The following AGAP1 variants were observed in gnomAD, a reference collection of about 807,000 sequenced individuals.
The protein encoded by AGAP1 is ArfGAP with GTPase domain, ankyrin repeat and PH domain 1.
A neutral mutation model predicts 105.3 loss-of-function variants in AGAP1; 29 were observed. The observed-to-expected ratio is 0.28, with a 90% CI of 0.21 to 0.38. AGAP1 has a LOEUF of 0.38. AGAP1 is among the 10% of genes least tolerant of loss of function. AGAP1 has a pLI of 1.00. For missense variants in AGAP1, 998 were observed against 1,165.1 expected, an observed-to-expected ratio of 0.86 and a Z score of 2.09; for synonymous variants, 509 against 485.9, an observed-to-expected ratio of 1.05 and a Z score of -0.63.
rs542570137 is a variant in AGAP1 at position 235,973,420 on chromosome 2, C to G, written c.1645+4797C>G. 1.4e-4 allele frequency among the ~76,000 whole-genome samples: 22 copies of G among 152,254 alleles called. No homozygotes were observed. The highest frequency in any genetic ancestry group is 5.3e-4 in the African/African-American group (22 of 41,548). On this transcript the variant is annotated intron_variant, in intron 13 of 17. Transcript: ENST00000304032. This position sits in a 1 kb window ranked among gnomAD's most constrained non-coding sequence, Gnocchi z 4.7. ...CAGGAGATGTGTGGATGACAGAGCC[C>G]GTCGCTAGGCTCTTATGTCACAGAT...
At chr2:235,759,385 G>A (rs1474483235) in intron 6 of AGAP1, among the ~76,000 whole-genome samples, 14 of 150,584 alleles carry the variant, frequency 9.3e-5, no homozygotes, top group East Asian at 2.0e-4. Flanking sequence ...TAGCCAGGAT[G>A]GTCTTGATCT....
At chr2:235,643,491 T>C (rs1199951867) in intron 1 of AGAP1, among the ~76,000 whole-genome samples, 1 of 149,362 alleles carries the variant, frequency 6.7e-6, no homozygotes, top group East Asian at 2.0e-4. Flanking sequence ...TTAAAAATTT[T>C]CCACACATTA....
In AGAP1 at chr2:236,012,218, G is replaced by C. The variant is rs752609296; in HGVS notation, c.1646-24343G>C. 2.0e-5 allele frequency among the ~76,000 whole-genome samples: 3 copies of C among 152,112 alleles called. No homozygotes were observed. The highest frequency in any genetic ancestry group is 2.9e-5 in the Non-Finnish European group (2 of 68,026). The stretch of plus-strand genomic sequence containing the variant: ...TACATCCTGTGGTAATGGGAGAGCA[G>C]AGTGTGAAAAATGGAAGGCATAAAG... On this transcript the variant is annotated intron_variant, in intron 13 of 17. Coordinates refer to ENST00000304032, the MANE Select transcript of AGAP1 (RefSeq NM_001037131.3). The surrounding 1 kb of genome is among the most constrained non-coding windows in gnomAD (Gnocchi z 4.9).
chr2:235,773,989 T>A (rs1575418161), intron 6 of AGAP1: 1 of 470,606 alleles, frequency 2.1e-6, no homozygotes, highest in Non-Finnish European at 4.4e-6. Context: ...CCCTCTAAGA[T>A]TTTTAACAAA....
chr2:235,819,990 G>A (rs1474022953), intron 9 of AGAP1, among the ~76,000 whole-genome samples: 3 of 141,142 alleles, frequency 2.1e-5, no homozygotes, highest in Non-Finnish European at 3.0e-5. Flanking sequence ...CGCAACCTCC[G>A]CCTCCCAGGT....
At chr2:235,894,201 G>A (rs556345197) in intron 10 of AGAP1, among the ~76,000 whole-genome samples, 4 of 152,308 alleles carry the variant, frequency 2.6e-5, no homozygotes, top group African/African-American at 7.2e-5. Context: ...AATATGAACC[G>A]CAACGGGTAT....
At chr2:235,589,863 G>T (rs771840568) in intron 1 of AGAP1, among the ~76,000 whole-genome samples, 15 of 151,922 alleles carry the variant, frequency 9.9e-5, no homozygotes, top group Non-Finnish European at 1.6e-4. Context: ...GAAAGGGTTT[G>T]GGAATGAGTA....
At position 236,090,179 on chromosome 2, in the gene AGAP1, A is replaced by G. The variant is rs2125866583; in HGVS notation, c.2115-30013A>G. 6.6e-6 allele frequency among the ~76,000 whole-genome samples: 1 copy of G among 152,272 alleles called. No individual in the cohort carries two copies. The highest frequency in any genetic ancestry group is 3.4e-3 in the Middle Eastern group (1 of 294). ...TGTCACCATTGTGGGCTCCAGCTGCACAGGCTGGGGATGGGCTGGGTAGAA... is the reference window on the plus strand; with the variant it reads ...TGTCACCATTGTGGGCTCCAGCTGCGCAGGCTGGGGATGGGCTGGGTAGAA... On this transcript the variant is annotated intron_variant, in intron 16 of 17. Transcript: ENST00000304032. This position sits in a 1 kb window ranked among gnomAD's most constrained non-coding sequence, Gnocchi z 4.3.
intron 1 of AGAP1, among the ~76,000 whole-genome samples, chr2:235,539,515 A>G (rs904013070): frequency 6.6e-6 from 1 of 151,940 alleles, no homozygotes; most frequent in Non-Finnish European, 1.5e-5. Context: ...TTGTGCGATT[A>G]TTTTTTGGGT....
intron 13 of AGAP1, among the ~76,000 whole-genome samples, chr2:236,008,989 G>A (rs1208212643): frequency 2.6e-5 from 4 of 152,156 alleles, no homozygotes; most frequent in Non-Finnish European, 4.4e-5. Context: ...TACTGAACAC[G>A]TGTCCTATAT....
In AGAP1 at chr2:236,090,489, CTG is replaced by C. The variant is rs745387717; in HGVS notation, c.2115-29700_2115-29699del. Among the ~76,000 whole-genome samples the C allele has an allele frequency of 6.6e-5, 10 of 152,074 alleles. No homozygotes were observed. The highest frequency in any genetic ancestry group is 1.5e-4 in the Non-Finnish European group (10 of 68,032). The stretch of plus-strand genomic sequence containing the variant: ...AATTTCCAAATGTGCCCCAAAGAGA[CTG>C]TGAAGGGAGGGAACAGAGGCATGGA... On this transcript the variant is annotated intron_variant, in intron 16 of 17. Transcript: ENST00000304032. This position sits in a 1 kb window ranked among gnomAD's most constrained non-coding sequence, Gnocchi z 4.3.
rs1173811868 is a variant in AGAP1, at chr2:236,001,288, C to T, written c.1645+32665C>T. Among the ~76,000 whole-genome samples the T allele has an allele frequency of 6.6e-6, 1 of 152,190 alleles. No individual in the cohort carries two copies. Among genetic ancestry groups the T allele is most frequent in the East Asian group, 1.9e-4 (1 of 5,190 alleles). On this transcript the variant is annotated intron_variant, in intron 13 of 17. Coordinates refer to ENST00000304032, the MANE Select transcript of AGAP1 (RefSeq NM_001037131.3). The surrounding 1 kb of genome is among the most constrained non-coding windows in gnomAD (Gnocchi z 4.7). ...GCATGGCCTTCAGGCCTCCGAGGAACCCAGAGGAGGAAACGCATTTTTGTG... is the reference window on the plus strand; with the variant it reads ...GCATGGCCTTCAGGCCTCCGAGGAATCCAGAGGAGGAAACGCATTTTTGTG...
rs991579940 is a variant in AGAP1, at chr2:236,045,669, C to A, written c.1892-3390C>A. Among the ~76,000 whole-genome samples, 1 of 152,248 alleles carries A rather than the reference C, an allele frequency of 6.6e-6. No individual in the cohort carries two copies. Among genetic ancestry groups the A allele is most frequent in the Non-Finnish European group, 1.5e-5 (1 of 68,048 alleles). On this transcript the variant is annotated intron_variant, in intron 15 of 17. Coordinates refer to ENST00000304032, the MANE Select transcript of AGAP1 (RefSeq NM_001037131.3). This position sits in a 1 kb window ranked among gnomAD's most constrained non-coding sequence, Gnocchi z 6.9. ...AGGAGACAGTGCAGAGGTCTGAGTC[C>A]GTGCCAGGAGGCTGGGATCAGCCAC...
chr2:235,790,127 C>T (rs1956886119), intron 6 of AGAP1, among the ~76,000 whole-genome samples: 1 of 152,094 alleles, frequency 6.6e-6, no homozygotes, highest in Non-Finnish European at 1.5e-5. Flanking sequence ...TGATGAAAGC[C>T]TCTTCTAGAA....
intron 11 of AGAP1, among the ~76,000 whole-genome samples, chr2:235,912,952 C>A (rs1474309314): frequency 6.6e-6 from 1 of 152,102 alleles, no homozygotes; most frequent in African/African-American, 2.4e-5. Context: ...TTAGGTGTAT[C>A]CTTTGCCCAT....
At chr2:236,016,278 TA>T (rs1392072260) in intron 13 of AGAP1, among the ~76,000 whole-genome samples, 3 of 152,168 alleles carry the variant, frequency 2.0e-5, no homozygotes, top group African/African-American at 7.2e-5. Flanking sequence ...TGTTGCATTT[TA>T]AAGGGTATTA....
Position 235,842,164 on chromosome 2 carries a change from C to G in AGAP1, c.1050+34833C>G, listed in dbSNP as rs1462776573. On this transcript the variant is annotated intron_variant, in intron 9 of 17. Coordinates refer to ENST00000304032, the MANE Select transcript of AGAP1 (RefSeq NM_001037131.3). The surrounding 1 kb of genome is among the most constrained non-coding windows in gnomAD (Gnocchi z 5.3). ...TTCCTCCGCTCCTGGTTTCTTAGTTCTGGAGCACAGACTCCGTGCTCTGGA... is the reference window on the plus strand; with the variant it reads ...TTCCTCCGCTCCTGGTTTCTTAGTTGTGGAGCACAGACTCCGTGCTCTGGA... 6.6e-6 allele frequency among the ~76,000 whole-genome samples: 1 copy of G among 152,224 alleles called. No individual in the cohort carries two copies. Among genetic ancestry groups the G allele is most frequent in the Non-Finnish European group, 1.5e-5 (1 of 68,040 alleles).
At chr2:235,617,158 T>C (rs1333671311) in intron 1 of AGAP1, among the ~76,000 whole-genome samples, 1 of 152,116 alleles carries the variant, frequency 6.6e-6, no homozygotes, top group Non-Finnish European at 1.5e-5. Flanking sequence ...GGGGGAAAAA[T>C]GTTCTTAAAA....
intron 1 of AGAP1, among the ~76,000 whole-genome samples, chr2:235,681,209 C>T (rs199530567): frequency 6.6e-6 from 1 of 152,136 alleles, no homozygotes; most frequent in East Asian, 1.9e-4. Context: ...CGGGGCTTCA[C>T]CGTGTTAGCC....
Sources: allele counts gnomAD v4.1 joint callset (sites outside exome capture counted in the v4.1 genomes callset), GRCh38; gene constraint gnomAD v4.1.1; non-coding constraint Gnocchi (gnomAD v3.1); transcripts MANE v1.5; gene names NCBI Gene and HGNC (gene_info 2026-07-23, HGNC 2026-07-21).